Variants in ZP4 observed in about 807,000 individuals in gnomAD.
The protein encoded by ZP4 is zona pellucida glycoprotein 4, also known as zona pellucida sperm-binding protein 4.
In ZP4, 62 loss-of-function variants were observed where a neutral mutation model predicts 62.3. That is an observed-to-expected ratio of 0.99 (90% CI 0.81 to 1.23). The LOEUF (loss-of-function observed/expected upper bound fraction) is 1.23. Ranked by LOEUF, ZP4 falls within the 50% of genes most tolerant of loss-of-function variation. The pLI, the probability that ZP4 is intolerant of heterozygous loss-of-function variation, is 0.00. For missense variants in ZP4, 774 were observed against 656.0 expected (o/e 1.18, Z -1.97); for synonymous variants, 289 against 247.3 (o/e 1.17, Z -1.58).
In ZP4 at chr1:237,889,869, A is replaced by G. The variant is rs1413307892; in HGVS notation, c.398T>C (p.Leu133Pro). The G allele has an allele frequency of 1.2e-6, 2 of 1,611,630 alleles. No individual in the cohort carries two copies. The highest frequency in any genetic ancestry group is 1.1e-5 in the South Asian group (1 of 91,028). ...RKLLKCPMDL[L>P]ARDAPDTDWC... ...CCCTGAGAGCTTCCAGCCTTTACCT[A>G]GAAGATCCATAGGACACTTGAGCAG... Residue 133 changes from leucine (L) to proline (P), a missense_variant and splice_region_variant, in exon 3 of 12, where the codon CTA becomes CCA. Leu to Pro is a moderately conservative substitution (Grantham distance 98). Transcript: ENST00000366570.
chr1:237,885,776 A>C lies in ZP4; in HGVS notation c.950T>G (p.Leu317Arg), dbSNP rs779017205. 3.1e-6 allele frequency: 5 copies of C among 1,614,024 alleles called. No homozygotes were observed. Among genetic ancestry groups the C allele is most frequent in the Non-Finnish European group, 4.2e-6 (5 of 1,180,034 alleles). ...CATACCTTTGGCAATCTGAAGTTCCAGAGTGAGGGGTCCAGGCTGGGTCTC... is the reference window on the plus strand; with the variant it reads ...CATACCTTTGGCAATCTGAAGTTCCCGAGTGAGGGGTCCAGGCTGGGTCTC... ...FPETQPGPLT[L>R]ELQIAKDKNY... The change falls in exon 7 of 12, where the codon CTG becomes CGG. Residue 317 changes from leucine (L) to arginine (R), a missense_variant. Physicochemically the swap from Leu to Arg is moderately radical, Grantham distance 102. Transcript: ENST00000366570.
At position 237,884,017 on chromosome 1, in the gene ZP4, AACAC is replaced by A. The variant is rs142971801; in HGVS notation, c.1390+748_1390+751del. On this transcript the variant is annotated intron_variant, in intron 10 of 11. Coordinates refer to ENST00000366570, the MANE Select transcript of ZP4 (RefSeq NM_021186.5). Reference sequence around the variant, plus strand: ...ACACACACACACACACACACACACAAACACACACACACACAAACACACACAAACA... The same window carrying A: ...ACACACACACACACACACACACACAAACACACACACAAACACACACAAACA... Among the ~76,000 whole-genome samples, 21 of 87,936 alleles carry A rather than the reference AACAC, an allele frequency of 2.4e-4. 1 individual carries two copies. The highest frequency in any genetic ancestry group is 9.2e-4 in the African/African-American group (19 of 20,626). The allele number at this position is 87,936 out of a possible 152,430, so 57.7% of individuals were successfully genotyped here. A position where few individuals can be genotyped will look rare whatever the true frequency, so the allele number is the denominator to read the frequency against.
intron 10 of ZP4, among the ~76,000 whole-genome samples, chr1:237,883,649 AGGGCGGGG>A (rs1664973945): frequency 6.2e-4 from 4 of 6,498 alleles, no homozygotes; most frequent in Non-Finnish European, 1.1e-3. Flanking sequence ...AGGGCGGGGG[AGGGCGGGG>A]GAGGGCCGGG....
chr1:237,884,214 C>T (rs1490911303), intron 10 of ZP4, among the ~76,000 whole-genome samples: 1 of 152,106 alleles, frequency 6.6e-6, no homozygotes, highest in Non-Finnish European at 1.5e-5. Flanking sequence ...TAATGTTGTA[C>T]TTTGCATAAT....
rs1312453955 is a variant in ZP4, at chr1:237,888,518, T to C, written c.401-8A>G. On this transcript the variant is annotated splice_region_variant and splice_polypyrimidine_tract_variant and intron_variant, in intron 3 of 11. Transcript: ENST00000366570. ...TATCTGGAGCATCTCGGGCTAGGTTTTGAAAAAGAGTAAGTCAGGTTAGAT... is the reference window on the plus strand; with the variant it reads ...TATCTGGAGCATCTCGGGCTAGGTTCTGAAAAAGAGTAAGTCAGGTTAGAT... The C allele has an allele frequency of 1.3e-6, 2 of 1,583,264 alleles. No homozygotes were observed.
At position 237,883,688 on chromosome 1, in the gene ZP4, G is replaced by A. The variant is rs1290443342; in HGVS notation, c.1391-842C>T. 9.4e-3 allele frequency among the ~76,000 whole-genome samples: 128 copies of A among 13,578 alleles called. 39 individuals are homozygous for A. The highest frequency in any genetic ancestry group is 0.051 in the African/African-American group (115 of 2,256). 8.9% of individuals were successfully genotyped at this position (13,578 alleles called of 152,430 possible). A position where few individuals can be genotyped will look rare whatever the true frequency, so the allele number is the denominator to read the frequency against. Reference sequence around the variant, plus strand: ...CCGGGGGAGGGCGGGGGAGGGCGGGGGAGGGCGGGGGAGGGCGGGGGAGGG... The same window carrying A: ...CCGGGGGAGGGCGGGGGAGGGCGGGAGAGGGCGGGGGAGGGCGGGGGAGGG... On this transcript the variant is annotated intron_variant, in intron 10 of 11. Transcript: ENST00000366570.
Position 237,885,229 on chromosome 1 carries a change from C to G in ZP4, c.1247G>C (p.Arg416Pro), listed in dbSNP as rs753993472. 1 of 1,614,102 alleles carries G rather than the reference C, an allele frequency of 6.2e-7. No homozygotes were observed. Among genetic ancestry groups the G allele is most frequent in the Non-Finnish European group, 8.5e-7 (1 of 1,180,028 alleles). Residue 416 changes from arginine (R) to proline (P), a missense_variant, in exon 9 of 12, where the codon CGC becomes CCC. Arg to Pro is a moderately radical substitution (Grantham distance 103). Coordinates refer to ENST00000366570, the MANE Select transcript of ZP4 (RefSeq NM_021186.5). ...LDLPFPSHHQ[R>P]FSIFTFSFVN... is the part of the protein sequence containing the mutation. ...AAAGCTGAAGGTGAAGATGCTGAAG[C>G]GCTGGTGGTGAGAGGGAAATGGAAG... is the stretch of plus-strand genomic sequence containing the variant.
chr1:237,883,437 G>A (rs12048500), intron 10 of ZP4, among the ~76,000 whole-genome samples: 186 of 151,352 alleles, frequency 1.2e-3, no homozygotes, highest in African/African-American at 3.1e-3. Flanking sequence ...GACAAAGGCC[G>A]GGCGTGGTGG....
chr1:237,884,006 ACACACACACAAACACACACAC>A (rs1665022895), intron 10 of ZP4, among the ~76,000 whole-genome samples: 1 of 93,080 alleles, frequency 1.1e-5, no homozygotes, highest in African/African-American at 4.4e-5. Flanking sequence ...ACACACACAC[ACACACACACAAACACACACAC>A]ACACAAACAC....
intron 3 of ZP4, 144 bp from the exon 4 acceptor site, chr1:237,888,654 G>A: frequency 2.8e-6 from 2 of 722,490 alleles, no homozygotes; most frequent in Non-Finnish European, 2.1e-6. Context: ...AGATAGTATT[G>A]AGAGGTTACA....
At position 237,888,339 on chromosome 1, in the gene ZP4, G is replaced by A. The variant is rs534527861; in HGVS notation, c.553+19C>T. 6.5e-6 allele frequency: 10 copies of A among 1,550,360 alleles called. No homozygotes were observed. The highest frequency in any genetic ancestry group is 1.2e-5 in the South Asian group (1 of 82,692). ...CCACACTTCCTCAGCTGGTTTCAGA[G>A]GTGTGCTCACTTACTCACCAGTGTT... is the stretch of plus-strand genomic sequence containing the variant. On this transcript the variant is annotated intron_variant, in intron 4 of 11. Transcript: ENST00000366570.
At chr1:237,883,800 AGGAAGAGAG>A in intron 10 of ZP4, among the ~76,000 whole-genome samples, 1 of 143,132 alleles carries the variant, frequency 7.0e-6, no homozygotes, top group African/African-American at 2.7e-5. Context: ...AGGAAGAGAG[AGGAAGAGAG>A]GGAGAAAGGC....
intron 4 of ZP4, 117 bp downstream of exon 4, chr1:237,888,241 G>C: frequency 9.2e-7 from 1 of 1,083,886 alleles, no homozygotes; most frequent in South Asian, 2.3e-5. Context: ...TTGGATGCAT[G>C]GCTACATGGC....
chr1:237,883,728 G>A (rs150339906), intron 10 of ZP4, among the ~76,000 whole-genome samples: 2,579 of 19,172 alleles, frequency 0.13, 882 homozygotes, highest in African/African-American at 0.57. Flanking sequence ...GGAGGGCGGG[G>A]GAGGGAGAGA....
At position 237,882,790 on chromosome 1, in the gene ZP4, C is replaced by G. The variant is rs377084207; in HGVS notation, c.1447G>C (p.Gly483Arg). The change falls in exon 11 of 12, where the codon GGC becomes CGC. Residue 483 changes from glycine to arginine, a missense_variant. By Grantham distance (125) the Gly-to-Arg change is moderately radical. Transcript: ENST00000366570. ...QNTTASVSSK[G>R]PMILLQATKD... is the part of the protein sequence containing the mutation. ...GTGGCTTGGAGTAGAATCATGGGGC[C>G]TTTGCTAGAAACACTAGCAGTAGTG... The G allele has an allele frequency of 6.9e-5, 112 of 1,613,968 alleles. 1 individual carries two copies. Among genetic ancestry groups the G allele is most frequent in the Non-Finnish European group, 9.2e-5 (108 of 1,180,024 alleles).
chr1:237,886,818 A>G lies in ZP4; in HGVS notation c.792T>C (p.Asp264=). The G allele has an allele frequency of 6.2e-7, 1 of 1,614,118 alleles. No individual in the cohort carries two copies. Among genetic ancestry groups the G allele is most frequent in the Non-Finnish European group, 8.5e-7 (1 of 1,180,006 alleles). Residue 264 remains aspartate (D), a synonymous_variant, in exon 6 of 12, where the codon GAT becomes GAC. Transcript: ENST00000366570. ...VYENELVATR[D]VKNGSRGSVT... ...CAGAGCCACGGCTCCCATTTTTCAC[A>G]TCCCTAGTTGCCACCAGTTCATTTT...
intron 4 of ZP4, 138 bp downstream of exon 4, chr1:237,888,220 A>T (rs1252694820): frequency 7.6e-6 from 6 of 787,608 alleles, no homozygotes; most frequent in Non-Finnish European, 1.1e-5. Context: ...TTACATTGGG[A>T]TCAAGTGTTC....
chr1:237,885,447 C>T lies in ZP4; in HGVS notation c.1104G>A (p.Trp368Ter). The T allele has an allele frequency of 6.2e-7, 1 of 1,613,916 alleles. No homozygotes were observed. The highest frequency in any genetic ancestry group is 1.1e-5 in the South Asian group (1 of 91,054). ...PYLGLLLQQCWATPSTDPLSQ... is the reference protein window; with the variant it reads ...PYLGLLLQQC Reference sequence around the variant, plus strand: ...TCAGGGGGTCAGTGCTGGGTGTTGCCCAACACTGTTGTAGGAGCAGCCCCA... The same window carrying T: ...TCAGGGGGTCAGTGCTGGGTGTTGCTCAACACTGTTGTAGGAGCAGCCCCA... Residue 368 changes from tryptophan to a stop codon, truncating the protein, a stop_gained, in exon 8 of 12, where the codon TGG becomes TGA. Coordinates refer to ENST00000366570, the MANE Select transcript of ZP4 (RefSeq NM_021186.5). LOFTEE classifies it high-confidence loss of function.
intron 10 of ZP4, among the ~76,000 whole-genome samples, chr1:237,884,023 C>CACACACACACACAA (rs1558531132): frequency 9.5e-4 from 62 of 65,260 alleles, no homozygotes; most frequent in African/African-American, 1.9e-3. Context: ...CACAAACACA[C>CACACACACACACAA]ACACACACAA....
Sources: gnomAD v4.1 joint callset for allele counts (sites outside exome capture counted in the v4.1 genomes callset) on GRCh38, gnomAD v4.1.1 for gene constraint, MANE v1.5 for transcripts, NCBI Gene and HGNC (gene_info 2026-07-23, HGNC 2026-07-21) for gene names.